Variants in TMPO observed in about 807,000 individuals in gnomAD.
TMPO encodes thymopoietin.
Under a neutral mutation model 45.4 loss-of-function variants are expected in TMPO, and 22 were observed. That is an observed-to-expected ratio of 0.48 (90% confidence interval 0.35 to 0.69). The LOEUF is 0.69. Among genes scored for constraint, TMPO ranks in the 30% least tolerant of loss-of-function variants. TMPO has a pLI of 0.01. For missense variants in TMPO, 512 were observed against 548.8 expected (o/e 0.93, Z 0.67); for synonymous variants, 241 against 204.1 (o/e 1.18, Z -1.54).
At chr12:98,526,252 T>G (rs939495495) in intron 1 of TMPO, among the ~76,000 whole-genome samples, 2 of 152,210 alleles carry the variant, frequency 1.3e-5, no homozygotes, top group Non-Finnish European at 2.9e-5. Flanking sequence ...ATTTCCTTCC[T>G]AAGTCATAAA....
chr12:98,542,929 C>CT (rs772222208), intron 4 of TMPO, among the ~76,000 whole-genome samples: 6 of 152,332 alleles, frequency 3.9e-5, no homozygotes, highest in African/African-American at 1.4e-4. Flanking sequence ...ACAAGTTTCT[C>CT]TTTTGACAAT....
At position 98,548,363 on chromosome 12, in the gene TMPO, GTGTTT is replaced by G. The variant is rs1878346717; in HGVS notation, c.*506_*510del. On this transcript the variant is annotated 3_prime_UTR_variant, in exon 9 of 9. Coordinates refer to ENST00000556029, the MANE Select transcript of TMPO (RefSeq NM_001032283.3). ...TTTGTAACTGCAACAAAGTTTGATG[GTGTTT>G]ATGAGGAAAAGTACAGCAATAATCT... is the stretch of plus-strand genomic sequence containing the variant. 1 of 158,290 alleles carries G rather than the reference GTGTTT, an allele frequency of 6.3e-6. No homozygotes were observed. Among genetic ancestry groups the G allele is most frequent in the Non-Finnish European group, 1.4e-5 (1 of 71,972 alleles). The allele number at this position is 158,290 out of a possible 1,614,324, so 9.8% of individuals were successfully genotyped here. A position where few individuals can be genotyped will look rare whatever the true frequency, so the allele number is the denominator to read the frequency against.
intron 3 of TMPO, among the ~76,000 whole-genome samples, chr12:98,537,102 A>G (rs1480924090): frequency 6.6e-6 from 1 of 152,194 alleles, no homozygotes; most frequent in Admixed American, 6.5e-5. Flanking sequence ...GGACAAAACA[A>G]TGGTAACAAT....
Position 98,548,724 on chromosome 12 carries a change from G to A in TMPO, c.*866G>A, listed in dbSNP as rs1354112616. On this transcript the variant is annotated 3_prime_UTR_variant, in exon 9 of 9. Coordinates refer to ENST00000556029, the MANE Select transcript of TMPO (RefSeq NM_001032283.3). ...TTAGAAGTTAGAAATTGTAAACACT[G>A]GTCTTATGTTTCATTTGGATTCATT... 6.6e-6 allele frequency: 1 copy of A among 152,178 alleles called. No homozygotes were observed. Among genetic ancestry groups the A allele is most frequent in the Non-Finnish European group, 1.5e-5 (1 of 68,014 alleles). 9.4% of individuals were successfully genotyped at this position (152,178 alleles called of 1,614,324 possible). A position where few individuals can be genotyped will look rare whatever the true frequency, so the allele number is the denominator to read the frequency against.
intron 3 of TMPO, chr12:98,533,282 C>G (rs1877327920): frequency 1.9e-6 from 3 of 1,613,964 alleles, no homozygotes. Context: ...CCATTATGTC[C>G]TGAGAGGTCC....
At chr12:98,545,135 T>TG (rs1033068070) in intron 7 of TMPO, 74 bp downstream of exon 7, 4 of 1,189,084 alleles carry the variant, frequency 3.4e-6, no homozygotes, top group African/African-American at 3.1e-5. Flanking sequence ...GTTTGTTTTT[T>TG]TTTTTTTTTT....
intron 3 of TMPO, chr12:98,534,067 C>A (rs1191424030): frequency 6.2e-7 from 1 of 1,609,604 alleles, no homozygotes; most frequent in Non-Finnish European, 8.5e-7. Flanking sequence ...TGCACAGATT[C>A]TTAGCTCAGA....
intron 2 of TMPO, among the ~76,000 whole-genome samples, chr12:98,530,901 A>G (rs1291610477): frequency 1.3e-5 from 2 of 152,236 alleles, no homozygotes; most frequent in African/African-American, 4.8e-5. Flanking sequence ...AAAGGCCTGT[A>G]TTAACCTACT....
intron 3 of TMPO, chr12:98,532,056 A>T: frequency 2.0e-6 from 1 of 492,510 alleles, no homozygotes; most frequent in East Asian, 3.7e-5. Context: ...CTGAAATTGC[A>T]AGTTAACTTT....
Position 98,515,775 on chromosome 12 carries a change from G to A in TMPO, c.-93G>A. 2 of 1,548,546 alleles carry A rather than the reference G, an allele frequency of 1.3e-6. No homozygotes were observed. The highest frequency in any genetic ancestry group is 2.0e-5 in the Admixed American group (1 of 50,904). On this transcript the variant is annotated 5_prime_UTR_variant, in exon 1 of 9. Transcript: ENST00000556029. ...TCCCGGGCAGGAGCCGTGAGGCTCGGAGGCGGCAGCGCGGTCCCCGGCCAG... is the reference window on the plus strand; with the variant it reads ...TCCCGGGCAGGAGCCGTGAGGCTCGAAGGCGGCAGCGCGGTCCCCGGCCAG...
At chr12:98,522,756 G>A (rs897881529) in intron 1 of TMPO, among the ~76,000 whole-genome samples, 1 of 152,244 alleles carries the variant, frequency 6.6e-6, no homozygotes, top group Non-Finnish European at 1.5e-5. Flanking sequence ...ATAGCATGCA[G>A]ATTTCCTGAG....
At chr12:98,516,248 T>G (rs1459202211) in intron 1 of TMPO, 102 bp downstream of exon 1, 11 of 1,301,010 alleles carry the variant, frequency 8.5e-6, no homozygotes, top group Non-Finnish European at 1.1e-5. Context: ...CCCTCGGGCC[T>G]CCCAGGTGCG....
chr12:98,516,186 G>C (rs1380716996), intron 1 of TMPO, 40 bp downstream of exon 1: 147 of 1,323,148 alleles, frequency 1.1e-4, no homozygotes, highest in Non-Finnish European at 1.4e-4. Context: ...CGGGCGTTTG[G>C]CGGTTGCCGC....
At chr12:98,516,794 TATA>T (rs1223953442) in intron 1 of TMPO, among the ~76,000 whole-genome samples, 1 of 152,194 alleles carries the variant, frequency 6.6e-6, no homozygotes, top group Non-Finnish European at 1.5e-5. Flanking sequence ...AGGCGCCTAT[TATA>T]ATTTTTTAGT....
rs756763234 is a variant in TMPO, at chr12:98,545,099, C to CA, written c.990+38_990+39insA. Reference sequence around the variant, plus strand: ...AATTTAGATCGATGCTATCATTGATCTTTCAAAGAGGAAATATAAATATTT... The same window carrying CA: ...AATTTAGATCGATGCTATCATTGATCATTTCAAAGAGGAAATATAAATATTT... On this transcript the variant is annotated intron_variant, in intron 7 of 8. Coordinates refer to ENST00000556029, the MANE Select transcript of TMPO (RefSeq NM_001032283.3). The CA allele has an allele frequency of 5.8e-6, 6 of 1,040,666 alleles. No homozygotes were observed. In the South Asian group the frequency reaches 8.0e-5, roughly 14 times the overall value. 64.5% of individuals were successfully genotyped at this position (1,040,666 alleles called of 1,614,324 possible).
Position 98,547,775 on chromosome 12 carries a change from T to C in TMPO, c.1282T>C (p.Phe428Leu), listed in dbSNP as rs1351552074. Reference protein sequence around the residue: ...LLFVVVAVFLFLVYQAMETNQ... With the variant: ...LLFVVVAVFLLLVYQAMETNQ... Reference sequence around the variant, plus strand: ...GTTTGTTGTTGTGGCAGTTTTTTTGTTTTTGGTCTATCAAGCTATGGAAAC... The same window carrying C: ...GTTTGTTGTTGTGGCAGTTTTTTTGCTTTTGGTCTATCAAGCTATGGAAAC... Residue 428 changes from phenylalanine to leucine, a missense_variant, in exon 9 of 9, where the codon TTT becomes CTT. By Grantham distance (22) the Phe-to-Leu change is conservative (BLOSUM62 0). Coordinates refer to ENST00000556029, the MANE Select transcript of TMPO (RefSeq NM_001032283.3). 6.2e-7 allele frequency: 1 copy of C among 1,614,178 alleles called. No homozygotes were observed.
rs759987514 is a variant in TMPO at position 98,516,146 on chromosome 12, G to A, written c.279G>A (p.Arg93=). ...GCCGGAGCCGAGCAGCCGTCGGCAG[G>A]GTAAGGACGCGGGGCCGGGGCTACA... ...AAGRSRAAVG[R]KATKKTDKPR... Residue 93 remains arginine, a splice_region_variant and synonymous_variant, in exon 1 of 9, where the codon AGG becomes AGA. Transcript: ENST00000556029. The A allele has an allele frequency of 2.8e-6, 4 of 1,419,328 alleles. No individual in the cohort carries two copies. Among genetic ancestry groups the A allele is most frequent in the Non-Finnish European group, 3.7e-6 (4 of 1,094,410 alleles). 87.9% of individuals were successfully genotyped at this position (1,419,328 alleles called of 1,614,324 possible). A position where few individuals can be genotyped will look rare whatever the true frequency, so the allele number is the denominator to read the frequency against.
At chr12:98,528,885 TG>T (rs1193840603) in intron 2 of TMPO, among the ~76,000 whole-genome samples, 4 of 151,544 alleles carry the variant, frequency 2.6e-5, no homozygotes, top group African/African-American at 7.3e-5. Flanking sequence ...CTTGAGATGG[TG>T]GGGGGAAGTC....
rs1875728288 is a variant in TMPO at position 98,515,744 on chromosome 12, C to A, written c.-124C>A. The A allele has an allele frequency of 3.9e-6, 6 of 1,535,252 alleles. No homozygotes were observed. Among genetic ancestry groups the A allele is most frequent in the Non-Finnish European group, 5.3e-6 (6 of 1,140,242 alleles). On this transcript the variant is annotated 5_prime_UTR_variant, in exon 1 of 9. Transcript: ENST00000556029. Reference sequence around the variant, plus strand: ...CGCGAGTTTTTGTTCCGCTCCGCAGCGCTCTTCCCGGGCAGGAGCCGTGAG... The same window carrying A: ...CGCGAGTTTTTGTTCCGCTCCGCAGAGCTCTTCCCGGGCAGGAGCCGTGAG...
Sources: allele counts gnomAD v4.1 joint callset (sites outside exome capture counted in the v4.1 genomes callset), GRCh38; gene constraint gnomAD v4.1.1; transcripts MANE v1.5; gene names NCBI Gene and HGNC (gene_info 2026-07-23, HGNC 2026-07-21).